Variants in TRPC1 observed in about 807,000 individuals in gnomAD.
TRPC1 encodes the protein transient receptor potential cation channel subfamily C member 1, also known as short transient receptor potential channel 1.
Under a neutral mutation model 88.2 loss-of-function variants are expected in TRPC1, and 42 were observed. The observed-to-expected ratio is 0.48, with a 90% confidence interval of 0.37 to 0.62. The LOEUF is 0.62. Ranked by LOEUF, TRPC1 falls within the 20% of genes least tolerant of loss-of-function variation. The pLI, the probability that TRPC1 is intolerant of heterozygous loss-of-function variation, is 0.00. For missense variants in TRPC1, 699 were observed against 957.3 expected (o/e 0.73, Z 3.56); for synonymous variants, 288 against 331.8 (o/e 0.87, Z 1.43).
At chr3:142,728,087 T>C (rs1933753862) in intron 1 of TRPC1, among the ~76,000 whole-genome samples, 1 of 152,066 alleles carries the variant, frequency 6.6e-6, no homozygotes, top group Non-Finnish European at 1.5e-5. Context: ...TCAGTTCATG[T>C]GGAGGAAAGA....
intron 4 of TRPC1, among the ~76,000 whole-genome samples, chr3:142,754,879 G>A (rs986614207): frequency 1.3e-5 from 2 of 152,152 alleles, no homozygotes; most frequent in Non-Finnish European, 2.9e-5. Flanking sequence ...TGATGAGGGA[G>A]TATTGGAATA....
intron 4 of TRPC1, among the ~76,000 whole-genome samples, chr3:142,774,685 CT>C (rs2108103819): frequency 6.6e-6 from 1 of 152,000 alleles, no homozygotes; most frequent in Non-Finnish European, 1.5e-5. Flanking sequence ...AATGGTTGGT[CT>C]TTTTGGATAA....
chr3:142,775,830 C>T (rs1218353348), intron 4 of TRPC1, among the ~76,000 whole-genome samples: 1 of 152,112 alleles, frequency 6.6e-6, no homozygotes, highest in East Asian at 1.9e-4. Flanking sequence ...TTTAAACCAC[C>T]TATAAAATCC....
chr3:142,731,097 A>T (rs1003169283), intron 1 of TRPC1, among the ~76,000 whole-genome samples: 6 of 152,070 alleles, frequency 3.9e-5, no homozygotes, highest in Admixed American at 3.9e-4. Context: ...GATCTATGGG[A>T]TCACTCTGGT....
At chr3:142,737,243 CA>C (rs1322510577) in intron 2 of TRPC1, among the ~76,000 whole-genome samples, 9 of 148,186 alleles carry the variant, frequency 6.1e-5, no homozygotes, top group Non-Finnish European at 8.9e-5. Context: ...TAATGAGGCA[CA>C]TTTTTTTTGA....
chr3:142,804,214 C>G, intron 11 of TRPC1, 36 bp downstream of exon 11: 12 of 1,596,536 alleles, frequency 7.5e-6, no homozygotes, highest in Non-Finnish European at 9.4e-6. Context: ...ATATTCTCCT[C>G]AGACCATACT....
chr3:142,748,504 C>A, intron 4 of TRPC1, 44 bp downstream of exon 4: 2 of 1,571,878 alleles, frequency 1.3e-6, no homozygotes, highest in South Asian at 1.1e-5. Flanking sequence ...TGATATATAT[C>A]AACAATGTTG....
At chr3:142,752,750 A>G (rs1179343843) in intron 4 of TRPC1, among the ~76,000 whole-genome samples, 1 of 152,206 alleles carries the variant, frequency 6.6e-6, no homozygotes, top group Non-Finnish European at 1.5e-5. Flanking sequence ...GCAGCTTTCC[A>G]CAGTGCATTG....
chr3:142,735,112 CTTTT>C (rs951457827), intron 1 of TRPC1, among the ~76,000 whole-genome samples: 7 of 152,216 alleles, frequency 4.6e-5, no homozygotes, highest in African/African-American at 1.7e-4. Flanking sequence ...GAAAATATTT[CTTTT>C]TGTGACTAGT....
intron 4 of TRPC1, among the ~76,000 whole-genome samples, chr3:142,771,506 CAT>C (rs1935576053): frequency 6.6e-6 from 1 of 152,106 alleles, no homozygotes; most frequent in Admixed American, 6.5e-5. Context: ...ATGCCAATAA[CAT>C]ATGAAAATGT....
intron 4 of TRPC1, 63 bp from the exon 5 acceptor site, chr3:142,777,569 A>T: frequency 8.9e-7 from 1 of 1,125,784 alleles, no homozygotes; most frequent in Non-Finnish European, 1.2e-6. Flanking sequence ...AAAATTATAG[A>T]TTAAAATACG....
At chr3:142,732,518 C>CT (rs1305503617) in intron 1 of TRPC1, among the ~76,000 whole-genome samples, 1 of 151,994 alleles carries the variant, frequency 6.6e-6, no homozygotes, top group African/African-American at 2.4e-5. Flanking sequence ...TGGTCAGCAG[C>CT]TGTGTTAGTT....
intron 4 of TRPC1, among the ~76,000 whole-genome samples, chr3:142,757,734 CA>C (rs1935028076): frequency 6.6e-6 from 1 of 152,066 alleles, no homozygotes; most frequent in Non-Finnish European, 1.5e-5. Context: ...ATTGGTGCAG[CA>C]AACCACCATG....
intron 7 of TRPC1, among the ~76,000 whole-genome samples, chr3:142,790,092 A>G (rs73864438): frequency 0.022 from 3,388 of 152,170 alleles, 126 homozygotes; most frequent in African/African-American, 0.077. Flanking sequence ...TAAATAGGGT[A>G]GTCAGGAAGG....
chr3:142,796,597 A>G (rs1196012131), intron 9 of TRPC1, among the ~76,000 whole-genome samples: 3 of 151,424 alleles, frequency 2.0e-5, no homozygotes, highest in East Asian at 1.9e-4. Flanking sequence ...TCCTGCTCCA[A>G]GACTCTGCTG....
In TRPC1 at chr3:142,784,980, A is replaced by C. The variant is rs1936085783; in HGVS notation, c.1237A>C (p.Lys413Gln). 1 of 1,613,832 alleles carries C rather than the reference A, an allele frequency of 6.2e-7. No homozygotes were observed. The change falls in exon 7 of 13, where the codon AAA (lysine) becomes CAA (glutamine). Residue 413 changes from lysine (K) to glutamine (Q), a missense_variant. Around this residue, in one of 4 missense-constraint regions of TRPC1, gnomAD observed 426 missense variants for 641.3 expected, o/e 0.66. Transcript: ENST00000476941. ...LYSLVYNEDK[K>Q]NTMGPALERI... is the part of the protein sequence containing the mutation. ...CTCTCTTGTCTACAATGAGGATAAG[A>C]AAAACACAATGGGGCCAGCCCTTGA...
chr3:142,798,547 G>C (rs1241838780), intron 9 of TRPC1, among the ~76,000 whole-genome samples: 1 of 152,206 alleles, frequency 6.6e-6, no homozygotes, highest in Non-Finnish European at 1.5e-5. Flanking sequence ...CCTGGCAAAG[G>C]ACAAAGGGAA....
At chr3:142,761,789 G>A (rs138333949) in intron 4 of TRPC1, among the ~76,000 whole-genome samples, 1 of 152,070 alleles carries the variant, frequency 6.6e-6, no homozygotes, top group African/African-American at 2.4e-5. Flanking sequence ...TTTCTTCATG[G>A]CTCAATCATG....
At chr3:142,787,973 G>C (rs1936181948) in intron 7 of TRPC1, among the ~76,000 whole-genome samples, 1 of 152,190 alleles carries the variant, frequency 6.6e-6, no homozygotes, top group East Asian at 1.9e-4. Context: ...ATGGTACAAA[G>C]AAGGGTCTGA....
Sources: gnomAD v4.1 joint callset for allele counts (sites outside exome capture counted in the v4.1 genomes callset) on GRCh38, gnomAD v4.1.1 for gene constraint, gnomAD v4.1.1 regional missense constraint, MANE v1.5 for transcripts, NCBI Gene and HGNC (gene_info 2026-07-23, HGNC 2026-07-21) for gene names.